The following MCOLN3 variants were observed in gnomAD, a reference collection of about 807,000 sequenced individuals.
The protein encoded by MCOLN3 is mucolipin TRP cation channel 3.
Under a neutral mutation model 69.4 loss-of-function variants are expected in MCOLN3, and 62 were observed. That is an observed-to-expected ratio of 0.89 (90% CI 0.73 to 1.10). The LOEUF (loss-of-function observed/expected upper bound fraction) is 1.10. Among genes scored for constraint, MCOLN3 ranks in the 50% least tolerant of loss-of-function variants. The probability of loss-of-function intolerance (pLI) is 0.00; values close to 1 mark genes in which losing one functional copy is unlikely to be tolerated. For synonymous variants in MCOLN3, 183 were observed against 217.0 expected (o/e 0.84, Z 1.38); for missense variants, 564 against 656.4 (o/e 0.86, Z 1.54).
intron 1 of MCOLN3, among the ~76,000 whole-genome samples, chr1:85,048,005 C>G (rs1213295253): frequency 6.6e-6 from 1 of 152,236 alleles, no homozygotes. Flanking sequence ...CGAGCCGCGT[C>G]AAGGCCATCT....
chr1:85,036,175 C>T (rs1328558144), intron 3 of MCOLN3, among the ~76,000 whole-genome samples: 1 of 152,138 alleles, frequency 6.6e-6, no homozygotes, highest in Non-Finnish European at 1.5e-5. Flanking sequence ...GTGCCTGATA[C>T]ATAATAGATA....
chr1:85,029,392 T>A, intron 6 of MCOLN3, 187 bp from the exon 7 acceptor site: 2 of 555,974 alleles, frequency 3.6e-6, no homozygotes, highest in Non-Finnish European at 6.4e-6. Context: ...AACGATGAAC[T>A]AGATCTTCTA....
At position 85,018,249 on chromosome 1, in the gene MCOLN3, G is replaced by A. The variant is rs527611896; in HGVS notation, c.*874C>T. The stretch of plus-strand genomic sequence containing the variant: ...CAGTTGGCTTTCATAACCAAATACA[G>A]TCATATGCTGGATAACGATGTTTTG... On this transcript the variant is annotated 3_prime_UTR_variant, in exon 13 of 13. Coordinates refer to ENST00000370589, the MANE Select transcript of MCOLN3 (RefSeq NM_018298.11). 5 of 152,280 alleles carry A rather than the reference G, an allele frequency of 3.3e-5. 1 individual carries two copies. In the South Asian group the frequency reaches 1.0e-3, roughly 32 times the overall value. 9.4% of individuals were successfully genotyped at this position (152,280 alleles called of 1,614,324 possible).
At position 85,021,178 on chromosome 1, in the gene MCOLN3, T is replaced by C. The variant is rs771006397; in HGVS notation, c.1419A>G (p.Leu473=). ...TFAKMQQKSY[L]VWLFSRIYLY... is the part of the protein sequence containing the mutation. Reference sequence around the variant, plus strand: ...GGTAAATTCTACTAAACAGCCAGACTAAGTAACTTTTTTGCTGCATTTTTG... The same window carrying C: ...GGTAAATTCTACTAAACAGCCAGACCAAGTAACTTTTTTGCTGCATTTTTG... The change falls in exon 12 of 13, where the codon TTA becomes TTG. Residue 473 remains leucine, a synonymous_variant. Transcript: ENST00000370589. The C allele has an allele frequency of 6.2e-7, 1 of 1,613,670 alleles. No individual in the cohort carries two copies. The highest frequency in any genetic ancestry group is 1.3e-5 in the African/African-American group (1 of 74,924).
intron 9 of MCOLN3, chr1:85,025,431 T>C (rs1277678479): frequency 6.6e-6 from 1 of 152,456 alleles, no homozygotes; most frequent in Non-Finnish European, 1.5e-5. Context: ...ATAAATAAGC[T>C]TGTAGCACAT....
At position 85,019,018 on chromosome 1, in the gene MCOLN3, A is replaced by T; in HGVS notation, c.*105T>A. The T allele has an allele frequency of 1.8e-6, 2 of 1,136,530 alleles. No individual in the cohort carries two copies. The highest frequency in any genetic ancestry group is 2.5e-6 in the Non-Finnish European group (2 of 814,692). 70.4% of individuals were successfully genotyped at this position (1,136,530 alleles called of 1,614,324 possible). ...GTGAATTATAGGTCTCAATTAGCTC[A>T]AAATAACAGTCTTCAAACATACTAC... On this transcript the variant is annotated 3_prime_UTR_variant, in exon 13 of 13. Transcript: ENST00000370589.
chr1:85,040,652 T>C (rs1392577767), intron 3 of MCOLN3, among the ~76,000 whole-genome samples: 1 of 152,106 alleles, frequency 6.6e-6, no homozygotes, highest in African/African-American at 2.4e-5. Flanking sequence ...CATTATTTGT[T>C]AAGAGGCCCT....
chr1:85,020,345 T>C (rs1651865109), intron 12 of MCOLN3, among the ~76,000 whole-genome samples: 1 of 152,252 alleles, frequency 6.6e-6, no homozygotes. Flanking sequence ...GCTTCATGTT[T>C]CTTTATCCCT....
rs755512656 is a variant in MCOLN3, at chr1:85,021,254, G to C, written c.1343C>G (p.Ser448Cys). 6.2e-7 allele frequency: 1 copy of C among 1,613,120 alleles called. No individual in the cohort carries two copies. Among genetic ancestry groups the C allele is most frequent in the South Asian group, 1.1e-5 (1 of 90,760 alleles). Residue 448 changes from serine to cysteine, a missense_variant, in exon 12 of 13, where the codon TCT becomes TGT. By Grantham distance (112) the Ser-to-Cys change is moderately radical. Coordinates refer to ENST00000370589, the MANE Select transcript of MCOLN3 (RefSeq NM_018298.11). The part of the protein sequence containing the change: ...HDKFRSLNMV[S>C]ECLFSLINGD... ...ATTTATCAGAGAGAAAAGGCACTCAGAGACCATGTTCAGAGAACGAAACTG... is the reference window on the plus strand; with the variant it reads ...ATTTATCAGAGAGAAAAGGCACTCACAGACCATGTTCAGAGAACGAAACTG...
chr1:85,018,895 A>C lies in MCOLN3; in HGVS notation c.*228T>G, dbSNP rs1651789668. ...GCAAAATAAACAAGAAATAATAATAATCCAATAGCTTTCCTCATTAAAGTT... is the reference window on the plus strand; with the variant it reads ...GCAAAATAAACAAGAAATAATAATACTCCAATAGCTTTCCTCATTAAAGTT... On this transcript the variant is annotated 3_prime_UTR_variant, in exon 13 of 13. Coordinates refer to ENST00000370589, the MANE Select transcript of MCOLN3 (RefSeq NM_018298.11). The C allele has an allele frequency of 2.2e-6, 1 of 453,850 alleles. No individual in the cohort carries two copies. The highest frequency in any genetic ancestry group is 3.9e-6 in the Non-Finnish European group (1 of 259,040). The allele number at this position is 453,850 out of a possible 1,614,324, so 28.1% of individuals were successfully genotyped here.
intron 2 of MCOLN3, among the ~76,000 whole-genome samples, chr1:85,044,549 T>C (rs956495357): frequency 1.3e-5 from 2 of 152,200 alleles, no homozygotes; most frequent in African/African-American, 4.8e-5. Context: ...GTTCCCCCTT[T>C]CCCCCAAAAA....
In MCOLN3 at chr1:85,025,977, T is replaced by C; in HGVS notation, c.1057A>G (p.Ile353Val). Reference protein sequence around the residue: ...IMIIISDILTIIGSILKMEIQ... With the variant: ...IMIIISDILTVIGSILKMEIQ... ...TCCATTTTTAGAATTGATCCAATGA[T>C]TGTCAATATGTCACTAATAATAATC... The change falls in exon 9 of 13, where the codon ATC (isoleucine) becomes GTC (valine). Residue 353 changes from isoleucine to valine, a missense_variant. Ile to Val is a conservative substitution (Grantham distance 29). Transcript: ENST00000370589. The C allele has an allele frequency of 1.9e-6, 3 of 1,599,482 alleles. No homozygotes were observed. Among genetic ancestry groups the C allele is most frequent in the South Asian group, 1.1e-5 (1 of 88,408 alleles).
chr1:85,041,887 A>G (rs1430671186), intron 2 of MCOLN3, among the ~76,000 whole-genome samples: 1 of 151,000 alleles, frequency 6.6e-6, no homozygotes, highest in Non-Finnish European at 1.5e-5. Context: ...AAAAAAAAAA[A>G]AAAAGCTTAC....
rs1404036164 is a variant in MCOLN3, at chr1:85,032,769, A to T, written c.659T>A (p.Phe220Tyr). ...CTGCAGATTAATGGCTTTCAGTTTA[A>T]ACTGAAGCTCCACTGTTAGGAGTCT... Reference protein sequence around the residue: ...FHRLLTVELQFKLKAINLQTV... With the variant: ...FHRLLTVELQYKLKAINLQTV... The change falls in exon 6 of 13, where the codon TTT (phenylalanine) becomes TAT (tyrosine). Residue 220 changes from phenylalanine (F) to tyrosine (Y), a missense_variant. Coordinates refer to ENST00000370589, the MANE Select transcript of MCOLN3 (RefSeq NM_018298.11). The T allele has an allele frequency of 6.2e-7, 1 of 1,614,102 alleles. No individual in the cohort carries two copies.
intron 9 of MCOLN3, among the ~76,000 whole-genome samples, chr1:85,023,860 A>G (rs567538500): frequency 6.6e-6 from 1 of 152,334 alleles, no homozygotes; most frequent in East Asian, 1.9e-4. Flanking sequence ...GAGGAAAACC[A>G]GGTGATAGTC....
rs749598501 is a variant in MCOLN3 at position 85,019,228 on chromosome 1, A to G, written c.1557T>C (p.Thr519=). 2 of 1,613,656 alleles carry G rather than the reference A, an allele frequency of 1.2e-6. No homozygotes were observed. Among genetic ancestry groups the G allele is most frequent in the African/African-American group, 2.7e-5 (2 of 74,922 alleles). The change falls in exon 13 of 13, where the codon ACT becomes ACC. Residue 519 remains threonine (T), a synonymous_variant. Transcript: ENST00000370589. ...KQYQQDGFPE[T]ELRTFISECK... The stretch of plus-strand genomic sequence containing the variant: ...ATTCTGATATAAATGTACGAAGTTC[A>G]GTCTCTGGGAAGCCATCTTGTTGGT...
chr1:85,018,596 T>C lies in MCOLN3; in HGVS notation c.*527A>G, dbSNP rs1651775670. 1 of 152,648 alleles carries C rather than the reference T, an allele frequency of 6.6e-6. No individual in the cohort carries two copies. Among genetic ancestry groups the C allele is most frequent in the African/African-American group, 2.4e-5 (1 of 41,454 alleles). The allele number at this position is 152,648 out of a possible 1,614,324, so 9.5% of individuals were successfully genotyped here. On this transcript the variant is annotated 3_prime_UTR_variant, in exon 13 of 13. Transcript: ENST00000370589. ...CGTATCACATTGTTAGCTGGTGCGCTCTTATTCTGGTGCGCTCTTATTCTG... is the reference window on the plus strand; with the variant it reads ...CGTATCACATTGTTAGCTGGTGCGCCCTTATTCTGGTGCGCTCTTATTCTG...
At chr1:85,024,915 G>A (rs1163303575) in intron 9 of MCOLN3, 3 of 152,362 alleles carry the variant, frequency 2.0e-5, no homozygotes, top group East Asian at 3.9e-4. Context: ...TGCCTGGGCT[G>A]TGTTCCCTGG....
intron 2 of MCOLN3, among the ~76,000 whole-genome samples, chr1:85,042,007 A>G (rs1251325215): frequency 6.6e-6 from 1 of 151,776 alleles, no homozygotes; most frequent in Non-Finnish European, 1.5e-5. Flanking sequence ...ACACACACAC[A>G]CACCACATGC....
Sources: allele counts gnomAD v4.1 joint callset (sites outside exome capture counted in the v4.1 genomes callset), GRCh38; gene constraint gnomAD v4.1.1; transcripts MANE v1.5; gene names NCBI Gene and HGNC (gene_info 2026-07-23, HGNC 2026-07-21).